The following SHISA9 variants were observed in gnomAD, a reference collection of about 807,000 sequenced individuals.
SHISA9 encodes shisa family member 9.
A neutral mutation model predicts 38.0 loss-of-function variants in SHISA9; 13 were observed. The observed-to-expected ratio is 0.34, with a 90% CI of 0.22 to 0.54. The LOEUF (loss-of-function observed/expected upper bound fraction) is 0.54. Among genes scored for constraint, SHISA9 ranks in the 20% least tolerant of loss-of-function variants. SHISA9 has a pLI of 0.91. For synonymous variants in SHISA9, 275 were observed against 242.0 expected (o/e 1.14, Z -1.27); for missense variants, 538 against 575.8 (o/e 0.93, Z 0.67).
chr16:13,090,596 C>G (rs1399829610), intron 2 of SHISA9, among the ~76,000 whole-genome samples: 2 of 152,132 alleles, frequency 1.3e-5, no homozygotes, highest in African/African-American at 4.8e-5. Context: ...GGTTTAAAGT[C>G]TGTTTTATGA....
At chr16:13,019,778 TTCTTTCTTTCTTTC>T (rs2072803655) in intron 2 of SHISA9, among the ~76,000 whole-genome samples, 1 of 111,370 alleles carries the variant, frequency 9.0e-6, no homozygotes, top group Non-Finnish European at 1.9e-5. Context: ...CTTTCTTTCT[TTCTTTCTTTCTTTC>T]TTTCTTTCTT....
At chr16:13,479,390 C>G in the SHISA9 span, among the ~76,000 whole-genome samples, 1 of 152,140 alleles carries the variant, frequency 6.6e-6, no homozygotes, top group African/African-American at 2.4e-5. Context: ...GCCTATATCC[C>G]ATACTGCCTT....
chr16:12,966,208 G>A (rs1232322316), intron 2 of SHISA9, among the ~76,000 whole-genome samples: 1 of 152,122 alleles, frequency 6.6e-6, no homozygotes, highest in African/African-American at 2.4e-5. Flanking sequence ...GTTCTGTGCT[G>A]GATACTTCAC....
chr16:13,213,134 G>T, intron 3 of SHISA9, 119 bp from the exon 4 acceptor site: 1 of 803,758 alleles, frequency 1.2e-6, no homozygotes, highest in Non-Finnish European at 2.1e-6. Context: ...GTCCCCTGAG[G>T]CCTGTCCCTG....
In SHISA9 at chr16:13,237,108, T is replaced by G. The variant is rs2051392550; in HGVS notation, c.*1699T>G. 6.6e-6 allele frequency: 1 copy of G among 152,180 alleles called. No individual in the cohort carries two copies. Among genetic ancestry groups the G allele is most frequent in the African/African-American group, 2.4e-5 (1 of 41,436 alleles). 9.4% of individuals were successfully genotyped at this position (152,180 alleles called of 1,614,324 possible). On this transcript the variant is annotated 3_prime_UTR_variant, in exon 5 of 5. Coordinates refer to ENST00000558583, the MANE Select transcript of SHISA9 (RefSeq NM_001145204.3). Reference sequence around the variant, plus strand: ...CAACAGACCCACAGCAACTCTGGTGTCAGAAGCTATAAATGGTCTGGCCAA... The same window carrying G: ...CAACAGACCCACAGCAACTCTGGTGGCAGAAGCTATAAATGGTCTGGCCAA...
chr16:13,222,792 G>GTATATATATATATATATATATATATA (rs745719678), intron 4 of SHISA9, among the ~76,000 whole-genome samples: 2 of 63,552 alleles, frequency 3.1e-5, no homozygotes, highest in African/African-American at 1.8e-4. Flanking sequence ...GTGTGTGTAT[G>GTATATATATATATATATATATATATA]TATATATATA....
intron 2 of SHISA9, among the ~76,000 whole-genome samples, chr16:13,070,650 A>G (rs1796912180): frequency 6.6e-6 from 1 of 152,206 alleles, no homozygotes; most frequent in South Asian, 2.1e-4. Context: ...CACCAGGACA[A>G]TCATAGCTAA....
chr16:13,481,266 A>AT, the SHISA9 span, among the ~76,000 whole-genome samples: 2 of 152,078 alleles, frequency 1.3e-5, no homozygotes, highest in Admixed American at 6.6e-5. Context: ...ACATTCTTGC[A>AT]TTTTTTCCCA....
At chr16:13,448,244 C>A in the SHISA9 span, among the ~76,000 whole-genome samples, 11 of 152,178 alleles carry the variant, frequency 7.2e-5, no homozygotes, top group African/African-American at 2.7e-4. Flanking sequence ...AGAGCATGCA[C>A]ATGTACCCTG....
chr16:13,203,784 C>T (rs921147970), intron 3 of SHISA9, among the ~76,000 whole-genome samples: 1 of 152,074 alleles, frequency 6.6e-6, no homozygotes, highest in Non-Finnish European at 1.5e-5. Context: ...TCCACCTATA[C>T]ACTCTATCCA....
At chr16:13,023,335 C>A (rs1193306020) in intron 2 of SHISA9, among the ~76,000 whole-genome samples, 1 of 152,164 alleles carries the variant, frequency 6.6e-6, no homozygotes, top group African/African-American at 2.4e-5. Flanking sequence ...CATGTCCCTG[C>A]AAAGGACATG....
chr16:13,548,013 C>T, the SHISA9 span, among the ~76,000 whole-genome samples: 1 of 152,088 alleles, frequency 6.6e-6, no homozygotes, highest in Non-Finnish European at 1.5e-5. Flanking sequence ...GGTATAAAAA[C>T]AGAGACATAG....
chr16:13,481,237 A>G, the SHISA9 span, among the ~76,000 whole-genome samples: 1 of 152,168 alleles, frequency 6.6e-6, no homozygotes, highest in Admixed American at 6.6e-5. Context: ...CTTTATTTAC[A>G]TGATTTAGAA....
chr16:13,252,236 C>T, the SHISA9 span, among the ~76,000 whole-genome samples: 2 of 152,196 alleles, frequency 1.3e-5, no homozygotes, highest in Admixed American at 6.5e-5. Context: ...TGCTGTTCCT[C>T]AAATGCCCCA....
At chr16:13,522,471 T>G in the SHISA9 span, among the ~76,000 whole-genome samples, 1 of 152,138 alleles carries the variant, frequency 6.6e-6, no homozygotes, top group South Asian at 2.1e-4. Context: ...TTGACCTCAT[T>G]TGCTTCCTCG....
chr16:13,214,447 C>G (rs1244875836), intron 4 of SHISA9, among the ~76,000 whole-genome samples: 1 of 152,064 alleles, frequency 6.6e-6, no homozygotes, highest in Non-Finnish European at 1.5e-5. Flanking sequence ...CTCAGATGAC[C>G]CACCTGCCTT....
intron 2 of SHISA9, among the ~76,000 whole-genome samples, chr16:13,082,019 T>C (rs771890834): frequency 6.6e-6 from 1 of 152,172 alleles, no homozygotes; most frequent in Non-Finnish European, 1.5e-5. Context: ...TTTCAATATT[T>C]CACCTTACTT....
chr16:13,436,691 G>T, the SHISA9 span, among the ~76,000 whole-genome samples: 8 of 152,116 alleles, frequency 5.3e-5, 1 homozygote, highest in Admixed American at 5.2e-4. Flanking sequence ...TCTGGATTGG[G>T]ATCCATTTCT....
intron 2 of SHISA9, among the ~76,000 whole-genome samples, chr16:13,111,058 G>T (rs2141966858): frequency 6.6e-6 from 1 of 152,200 alleles, no homozygotes; most frequent in Non-Finnish European, 1.5e-5. Flanking sequence ...ATGGATTAAA[G>T]ACTTAAATTT....
Sources: allele counts gnomAD v4.1 joint callset (sites outside exome capture counted in the v4.1 genomes callset), GRCh38; gene constraint gnomAD v4.1.1; transcripts MANE v1.5; gene names NCBI Gene and HGNC (gene_info 2026-07-23, HGNC 2026-07-21).